The following PSMB2 variants were observed in gnomAD, a reference collection of about 807,000 sequenced individuals.
PSMB2 encodes the protein proteasome 20S subunit beta 2, also known as proteasome subunit beta type-2.
PSMB2 carries 13 observed loss-of-function variants against 25.7 expected under a neutral mutation model. The observed-to-expected ratio is 0.51, with a 90% CI of 0.33 to 0.80. PSMB2 has a LOEUF of 0.80. PSMB2 is among the 30% of genes least tolerant of loss of function. The pLI is 0.02. For synonymous variants in PSMB2, 87 were observed against 96.2 expected (o/e 0.90, Z 0.56); for missense variants, 202 against 259.0 (o/e 0.78, Z 1.51).
At chr1:35,640,052 G>GTTACTATACTA in intron 1 of PSMB2, among the ~76,000 whole-genome samples, 1 of 9,438 alleles carries the variant, frequency 1.1e-4, no homozygotes, top group East Asian at 6.0e-3. Context: ...TTGCCCCTAA[G>GTTACTATACTA]TACTATAATA....
Position 35,601,211 on chromosome 1 carries a change from C to T in PSMB2, c.*2056G>A, listed in dbSNP as rs1042422393. 93 of 563,182 alleles carry T rather than the reference C, an allele frequency of 1.7e-4. 1 individual carries two copies. The highest frequency in any genetic ancestry group is 3.9e-4 in the South Asian group (5 of 12,684). 34.9% of individuals were successfully genotyped at this position (563,182 alleles called of 1,614,324 possible). A position where few individuals can be genotyped will look rare whatever the true frequency, so the allele number is the denominator to read the frequency against. On this transcript the variant is annotated 3_prime_UTR_variant, in exon 6 of 6. Transcript: ENST00000373237. ...CCTCCCAAGTAGTTGGGTTTACAGG[C>T]GTGTGCCACCACGCCTGGCTAATTG...
At position 35,601,569 on chromosome 1, in the gene PSMB2, T is replaced by C. The variant is rs1463370552; in HGVS notation, c.*1698A>G. On this transcript the variant is annotated 3_prime_UTR_variant, in exon 6 of 6. Coordinates refer to ENST00000373237, the MANE Select transcript of PSMB2 (RefSeq NM_002794.5). ...TATCATTGGCGTATTAAATAGTGTA[T>C]AAGACACCCAAATCTAATGTTAACC... 1.3e-5 allele frequency: 13 copies of C among 985,126 alleles called. No homozygotes were observed. Among genetic ancestry groups the C allele is most frequent in the African/African-American group, 1.7e-5 (1 of 57,238 alleles). 61.0% of individuals were successfully genotyped at this position (985,126 alleles called of 1,614,324 possible). A position where few individuals can be genotyped will look rare whatever the true frequency, so the allele number is the denominator to read the frequency against.
At chr1:35,635,526 C>G (rs1651220396) in intron 2 of PSMB2, among the ~76,000 whole-genome samples, 1 of 151,698 alleles carries the variant, frequency 6.6e-6, no homozygotes, top group Non-Finnish European at 1.5e-5. Flanking sequence ...TTCTTAAACA[C>G]AGAAAACTCT....
chr1:35,626,585 C>T (rs889198389), intron 3 of PSMB2, among the ~76,000 whole-genome samples: 2 of 152,126 alleles, frequency 1.3e-5, no homozygotes, highest in Admixed American at 6.5e-5. Flanking sequence ...GTACATTAGT[C>T]CACTAATTAA....
chr1:35,629,280 G>A (rs886715242), intron 3 of PSMB2, among the ~76,000 whole-genome samples: 6 of 152,298 alleles, frequency 3.9e-5, no homozygotes, highest in Non-Finnish European at 7.4e-5. Flanking sequence ...AGATCACGTG[G>A]TAAGGCTCTA....
intron 3 of PSMB2, among the ~76,000 whole-genome samples, chr1:35,618,807 G>C (rs1650581647): frequency 6.6e-6 from 1 of 152,136 alleles, no homozygotes; most frequent in African/African-American, 2.4e-5. Context: ...AATGTAAACT[G>C]ATCAAAATCA....
chr1:35,640,533 G>A (rs1474946406), intron 1 of PSMB2, among the ~76,000 whole-genome samples: 2 of 152,156 alleles, frequency 1.3e-5, no homozygotes, highest in African/African-American at 2.4e-5. Flanking sequence ...CGGGAGCCAC[G>A]GGAAGAAGGA....
chr1:35,620,859 T>G lies in PSMB2; in HGVS notation c.285+10415A>C, dbSNP rs867244836. 2.0e-5 allele frequency among the ~76,000 whole-genome samples: 3 copies of G among 151,788 alleles called. No individual in the cohort carries two copies. The East Asian group carries it at 5.8e-4, about 30-fold the overall frequency. ...TTTGTATTTTTAGCAGAGACGGGGG[T>G]TTCACCATGTTGGCCAGGCTGGTCT... On this transcript the variant is annotated intron_variant, in intron 3 of 5. Coordinates refer to ENST00000373237, the MANE Select transcript of PSMB2 (RefSeq NM_002794.5).
At chr1:35,622,056 T>C (rs1226893388) in intron 3 of PSMB2, among the ~76,000 whole-genome samples, 1 of 152,080 alleles carries the variant, frequency 6.6e-6, no homozygotes, top group Admixed American at 6.5e-5. Flanking sequence ...ATAGTAAATA[T>C]ACACGTAACA....
At position 35,601,133 on chromosome 1, in the gene PSMB2, C is replaced by G. The variant is rs1181043718; in HGVS notation, c.*2134G>C. On this transcript the variant is annotated 3_prime_UTR_variant, in exon 6 of 6. Coordinates refer to ENST00000373237, the MANE Select transcript of PSMB2 (RefSeq NM_002794.5). ...CCAGGCTGGAGTGCAGTGGCATGAT[C>G]TCGGCTCACTGCAACCTCCCTCTCC... 1 of 807,118 alleles carries G rather than the reference C, an allele frequency of 1.2e-6. No individual in the cohort carries two copies. Among genetic ancestry groups the G allele is most frequent in the Middle Eastern group, 6.9e-4 (1 of 1,440 alleles). 50.0% of individuals were successfully genotyped at this position (807,118 alleles called of 1,614,324 possible).
At position 35,601,323 on chromosome 1, in the gene PSMB2, G is replaced by A. The variant is rs555034402; in HGVS notation, c.*1944C>T. 27 of 956,108 alleles carry A rather than the reference G, an allele frequency of 2.8e-5. No individual in the cohort carries two copies. In the East Asian group the frequency reaches 1.3e-3, roughly 45 times the overall value. The allele number at this position is 956,108 out of a possible 1,614,324, so 59.2% of individuals were successfully genotyped here. Reference sequence around the variant, plus strand: ...TGACCTCAGGTGATCCGCCCGCCTCGGCGGGCGGCCAAAGTGCTGGGATTA... The same window carrying A: ...TGACCTCAGGTGATCCGCCCGCCTCAGCGGGCGGCCAAAGTGCTGGGATTA... On this transcript the variant is annotated 3_prime_UTR_variant, in exon 6 of 6. Transcript: ENST00000373237.
chr1:35,618,127 T>C (rs1044749185), intron 3 of PSMB2, among the ~76,000 whole-genome samples: 17 of 152,028 alleles, frequency 1.1e-4, no homozygotes, highest in South Asian at 6.2e-4. Flanking sequence ...AGACAGACGA[T>C]GAGGACCAAA....
chr1:35,610,871 A>G (rs1330184861), intron 3 of PSMB2, among the ~76,000 whole-genome samples: 1 of 152,258 alleles, frequency 6.6e-6, no homozygotes, highest in Non-Finnish European at 1.5e-5. Context: ...GCAACAAAAA[A>G]TAATTATAAC....
Position 35,632,067 on chromosome 1 carries a change from G to C in PSMB2, c.215-723C>G, listed in dbSNP as rs546113669. On this transcript the variant is annotated intron_variant, in intron 2 of 5. Transcript: ENST00000373237. Reference sequence around the variant, plus strand: ...AAGGATATTGGGAAAAGAGAGGCTAGAAGTTAGGACTACCTCAGAGTCATA... The same window carrying C: ...AAGGATATTGGGAAAAGAGAGGCTACAAGTTAGGACTACCTCAGAGTCATA... Among the ~76,000 whole-genome samples, 30 of 152,198 alleles carry C rather than the reference G, an allele frequency of 2.0e-4. No individual in the cohort carries two copies. The South Asian group carries it at 5.4e-3, about 27-fold the overall frequency.
chr1:35,601,493 T>C lies in PSMB2; in HGVS notation c.*1774A>G. The C allele has an allele frequency of 4.1e-6, 4 of 985,416 alleles. No individual in the cohort carries two copies. The highest frequency in any genetic ancestry group is 4.8e-6 in the Non-Finnish European group (4 of 829,918). 61.0% of individuals were successfully genotyped at this position (985,416 alleles called of 1,614,324 possible). ...CAACTGTAGTGACGTGAATCATCTC[T>C]TTTCTCCCATTTACTCAATGATTAG... On this transcript the variant is annotated 3_prime_UTR_variant, in exon 6 of 6. Coordinates refer to ENST00000373237, the MANE Select transcript of PSMB2 (RefSeq NM_002794.5).
chr1:35,614,598 A>T (rs1395312084), intron 3 of PSMB2, among the ~76,000 whole-genome samples: 1 of 152,248 alleles, frequency 6.6e-6, no homozygotes, highest in African/African-American at 2.4e-5. Context: ...GCTAAGACTG[A>T]ACATTATATA....
chr1:35,628,596 A>AAAAATATATATAT (rs59538661), intron 3 of PSMB2, among the ~76,000 whole-genome samples: 30 of 25,102 alleles, frequency 1.2e-3, no homozygotes, highest in Non-Finnish European at 1.8e-3. Flanking sequence ...AAAAAAAAAA[A>AAAAATATATATAT]ATATATATAT....
intron 3 of PSMB2, 138 bp from the exon 4 acceptor site, chr1:35,609,546 A>G: frequency 1.2e-6 from 1 of 840,742 alleles, no homozygotes; most frequent in East Asian, 3.1e-5. Context: ...GAAAGTAAAA[A>G]TGTAGGGAAA....
At chr1:35,635,660 C>T (rs567794390) in intron 2 of PSMB2, among the ~76,000 whole-genome samples, 6 of 151,908 alleles carry the variant, frequency 3.9e-5, no homozygotes, top group Non-Finnish European at 7.4e-5. Flanking sequence ...GAAACCCTGT[C>T]TCTACTAAAA....
Sources: gnomAD v4.1 joint callset for allele counts (sites outside exome capture counted in the v4.1 genomes callset) on GRCh38, gnomAD v4.1.1 for gene constraint, MANE v1.5 for transcripts, NCBI Gene and HGNC (gene_info 2026-07-23, HGNC 2026-07-21) for gene names.